Variants in FOSL2 observed in about 807,000 individuals in gnomAD.
The protein encoded by FOSL2 is fos-related antigen 2.
In FOSL2, 3 loss-of-function variants were observed where a neutral mutation model predicts 27.7. That is an observed-to-expected ratio of 0.11 (90% confidence interval 0.05 to 0.28). The LOEUF (loss-of-function observed/expected upper bound fraction) is 0.28, where lower values mean the gene tolerates loss of function less well. FOSL2 is among the 10% of genes least tolerant of loss of function. The probability of loss-of-function intolerance (pLI) is 1.00; values close to 1 mark genes in which losing one functional copy is unlikely to be tolerated. For synonymous variants in FOSL2, 179 were observed against 190.1 expected (o/e 0.94, Z 0.48); for missense variants, 333 against 445.1 (o/e 0.75, Z 2.27).
At chr2:28,406,150 C>T (rs1034787416) in intron 2 of FOSL2, among the ~76,000 whole-genome samples, 11 of 151,856 alleles carry the variant, frequency 7.2e-5, no homozygotes, top group Admixed American at 5.9e-4. Flanking sequence ...CCTCCACCTC[C>T]GCGGTTCAAG....
In FOSL2 at chr2:28,412,125, G is replaced by A. The variant is rs749206799; in HGVS notation, c.658G>A (p.Val220Met). 6 of 1,605,822 alleles carry A rather than the reference G, an allele frequency of 3.7e-6. No individual in the cohort carries two copies. Among genetic ancestry groups the A allele is most frequent in the Admixed American group, 1.7e-5 (1 of 59,718 alleles). Reference sequence around the variant, plus strand: ...TGGGGGTGGCTCGGTGGGCGCTGTAGTGGTGAAACAGGAGCCCCTGGAAGA... The same window carrying A: ...TGGGGGTGGCTCGGTGGGCGCTGTAATGGTGAAACAGGAGCCCCTGGAAGA... ...RSGGGSVGAV[V>M]VKQEPLEEDS... Residue 220 changes from valine (V) to methionine (M), a missense_variant, in exon 4 of 4, where the codon GTG becomes ATG. This residue lies in a region of FOSL2 where 136 missense variants were observed against 123.7 expected (regional missense o/e 1.10). Coordinates refer to ENST00000264716, the MANE Select transcript of FOSL2 (RefSeq NM_005253.4). This position sits in a 1 kb window ranked among gnomAD's most constrained non-coding sequence, Gnocchi z 7.1.
chr2:28,411,897 G>A (rs779738401), intron 3 of FOSL2, 33 bp from the exon 4 acceptor site: 6 of 1,613,664 alleles, frequency 3.7e-6, no homozygotes, highest in South Asian at 3.3e-5. Context: ...CTGGCAGGTT[G>A]CTGTCCCTCA....
intron 1 of FOSL2, among the ~76,000 whole-genome samples, chr2:28,403,706 G>T (rs1664018921): frequency 6.6e-6 from 1 of 152,172 alleles, no homozygotes; most frequent in Admixed American, 6.5e-5. Context: ...GAAACAGTTG[G>T]CAGGCGACTC....
chr2:28,392,902 A>G lies in FOSL2; in HGVS notation c.-819A>G. 3 of 713,802 alleles carry G rather than the reference A, an allele frequency of 4.2e-6. No homozygotes were observed. Among genetic ancestry groups the G allele is most frequent in the Non-Finnish European group, 7.8e-6 (3 of 382,794 alleles). 44.2% of individuals were successfully genotyped at this position (713,802 alleles called of 1,614,324 possible). On this transcript the variant is annotated 5_prime_UTR_variant, in exon 1 of 4. Coordinates refer to ENST00000264716, the MANE Select transcript of FOSL2 (RefSeq NM_005253.4). ...AGAGCGCTAGGGCTCCGAGCGAACCAGCGAGCGAGCGAACGAGCGGCGCTC... is the reference window on the plus strand; with the variant it reads ...AGAGCGCTAGGGCTCCGAGCGAACCGGCGAGCGAGCGAACGAGCGGCGCTC...
In FOSL2 at chr2:28,412,492, C is replaced by A. The variant is rs750212971; in HGVS notation, c.*44C>A. On this transcript the variant is annotated 3_prime_UTR_variant, in exon 4 of 4. Transcript: ENST00000264716. This position sits in a 1 kb window ranked among gnomAD's most constrained non-coding sequence, Gnocchi z 7.1. The stretch of plus-strand genomic sequence containing the variant: ...CCAGCTCCGGAGGGGGTCCTCCTCG[C>A]TCCTCCTTCCCAGGGACCAGCACCT... The A allele has an allele frequency of 6.4e-7, 1 of 1,571,810 alleles. No homozygotes were observed. The highest frequency in any genetic ancestry group is 8.6e-7 in the Non-Finnish European group (1 of 1,162,864).
Position 28,404,372 on chromosome 2 carries a change from C to A in FOSL2, c.354+14C>A. 1 of 1,607,632 alleles carries A rather than the reference C, an allele frequency of 6.2e-7. No homozygotes were observed. Among genetic ancestry groups the A allele is most frequent in the Non-Finnish European group, 8.5e-7 (1 of 1,175,634 alleles). On this transcript the variant is annotated intron_variant, in intron 2 of 3. Coordinates refer to ENST00000264716, the MANE Select transcript of FOSL2 (RefSeq NM_005253.4). This position sits in a 1 kb window ranked among gnomAD's most constrained non-coding sequence, Gnocchi z 4.7. ...AGAGATGAGCAGGTACAGCTCAGAC[C>A]AGTGGGAAGGAGCCACGTCAGTGGC...
At position 28,393,597 on chromosome 2, in the gene FOSL2, G is replaced by A. The variant is rs1224905289; in HGVS notation, c.-124G>A. 5.9e-6 allele frequency: 4 copies of A among 675,268 alleles called. No homozygotes were observed. The highest frequency in any genetic ancestry group is 1.0e-5 in the Non-Finnish European group (4 of 398,468). The allele number at this position is 675,268 out of a possible 1,614,324, so 41.8% of individuals were successfully genotyped here. A position where few individuals can be genotyped will look rare whatever the true frequency, so the allele number is the denominator to read the frequency against. On this transcript the variant is annotated 5_prime_UTR_variant, in exon 1 of 4. Transcript: ENST00000264716. The surrounding 1 kb of genome is among the most constrained non-coding windows in gnomAD (Gnocchi z 4.6). The stretch of plus-strand genomic sequence containing the variant: ...CCTCCGCGGTGGGGGAGAAACCCAG[G>A]AGCGAAGCCCAGAGCCCGCGGCGCG...
At chr2:28,411,850 A>G (rs530437785) in intron 3 of FOSL2, 80 bp from the exon 4 acceptor site, 1 of 1,491,980 alleles carries the variant, frequency 6.7e-7, no homozygotes, top group African/African-American at 1.4e-5. Flanking sequence ...GTGTCTGAGA[A>G]CATTACTGGT....
chr2:28,410,146 G>A (rs78823708), intron 3 of FOSL2, among the ~76,000 whole-genome samples: 7,914 of 152,260 alleles, frequency 0.052, 687 homozygotes, highest in African/African-American at 0.18. Context: ...ATTGAATTGC[G>A]TGAATTCTGT....
At position 28,404,046 on chromosome 2, in the gene FOSL2, TTAAC is replaced by T. The variant is rs1211685365; in HGVS notation, c.103-58_103-55del. ...TTGCCTCAGCTCTGTTCAATTATTA[TTAAC>T]TATCCTGTTCAGCTTAGTATTTATT... On this transcript the variant is annotated intron_variant, in intron 1 of 3. Coordinates refer to ENST00000264716, the MANE Select transcript of FOSL2 (RefSeq NM_005253.4). The surrounding 1 kb of genome is among the most constrained non-coding windows in gnomAD (Gnocchi z 4.7). 3 of 1,580,102 alleles carry T rather than the reference TTAAC, an allele frequency of 1.9e-6. No individual in the cohort carries two copies. The highest frequency in any genetic ancestry group is 1.7e-6 in the Non-Finnish European group (2 of 1,155,162).
chr2:28,407,784 C>G (rs1271147102), intron 2 of FOSL2, among the ~76,000 whole-genome samples: 1 of 152,242 alleles, frequency 6.6e-6, no homozygotes. Context: ...CCTTGTGTCA[C>G]CTCTGCCTGA....
chr2:28,399,302 G>A (rs1395256298), intron 1 of FOSL2, among the ~76,000 whole-genome samples: 1 of 152,120 alleles, frequency 6.6e-6, no homozygotes, highest in African/African-American at 2.4e-5. Flanking sequence ...GGCCCCATCC[G>A]GTCCTGTAGG....
At chr2:28,395,860 G>A (rs1328088321) in intron 1 of FOSL2, 1 of 152,142 alleles carries the variant, frequency 6.6e-6, no homozygotes, top group Non-Finnish European at 1.5e-5. Context: ...GGAACTGGTG[G>A]ATTTTTCTGT....
Position 28,403,371 on chromosome 2 carries a change from A to G in FOSL2, c.103-736A>G, listed in dbSNP as rs572076402. 2.0e-5 allele frequency among the ~76,000 whole-genome samples: 3 copies of G among 152,360 alleles called. No homozygotes were observed. In the East Asian group the frequency reaches 5.8e-4, roughly 29 times the overall value. On this transcript the variant is annotated intron_variant, in intron 1 of 3. Coordinates refer to ENST00000264716, the MANE Select transcript of FOSL2 (RefSeq NM_005253.4). ...CAGCACCAGAGTTTCCCACAGAAAC[A>G]TCTGTGAACATAGATCAATGCCTAT...
At chr2:28,407,880 G>T (rs1276045915) in intron 2 of FOSL2, among the ~76,000 whole-genome samples, 1 of 152,188 alleles carries the variant, frequency 6.6e-6, no homozygotes, top group African/African-American at 2.4e-5. Flanking sequence ...ATGCTTTCCG[G>T]TATGAGTGAC....
At chr2:28,399,116 C>T (rs1663919027) in intron 1 of FOSL2, among the ~76,000 whole-genome samples, 1 of 152,214 alleles carries the variant, frequency 6.6e-6, no homozygotes, top group South Asian at 2.1e-4. Flanking sequence ...ACCTGCTTGC[C>T]TGGCAAGGCA....
rs1663739402 is a variant in FOSL2, at chr2:28,393,830, C to CG, written c.102+11dup. ...GGCGGCGGCGGCCAGCAGGTAGGTG[C>CG]GGGCCCCGGTGCACCTGGCGGCGCG... On this transcript the variant is annotated intron_variant, in intron 1 of 3. Coordinates refer to ENST00000264716, the MANE Select transcript of FOSL2 (RefSeq NM_005253.4). This position sits in a 1 kb window ranked among gnomAD's most constrained non-coding sequence, Gnocchi z 4.6. 1 of 1,582,096 alleles carries CG rather than the reference C, an allele frequency of 6.3e-7. No homozygotes were observed. Among genetic ancestry groups the CG allele is most frequent in the East Asian group, 2.3e-5 (1 of 42,738 alleles).
At position 28,393,760 on chromosome 2, in the gene FOSL2, C is replaced by T; in HGVS notation, c.40C>T (p.Arg14Trp). Reference protein sequence around the residue: ...DYPGNFDTSSRGSSGSPAHAE... With the variant: ...DYPGNFDTSSWGSSGSPAHAE... ...TCCCGGGAACTTTGACACCTCGTCCCGGGGCAGCAGCGGCTCTCCTGCGCA... is the reference window on the plus strand; with the variant it reads ...TCCCGGGAACTTTGACACCTCGTCCTGGGGCAGCAGCGGCTCTCCTGCGCA... Residue 14 changes from arginine to tryptophan, a missense_variant, in exon 1 of 4, where the codon CGG (arginine) becomes TGG (tryptophan). By Grantham distance (101) the Arg-to-Trp change is moderately radical (BLOSUM62 -3). This residue lies in a region of FOSL2 where 131 missense variants were observed against 157.9 expected (regional missense o/e 0.83). Transcript: ENST00000264716. This position sits in a 1 kb window ranked among gnomAD's most constrained non-coding sequence, Gnocchi z 4.6. 6.2e-7 allele frequency: 1 copy of T among 1,610,176 alleles called. No homozygotes were observed. The highest frequency in any genetic ancestry group is 8.5e-7 in the Non-Finnish European group (1 of 1,178,612).
intron 3 of FOSL2, among the ~76,000 whole-genome samples, chr2:28,411,456 TC>T (rs1664197093): frequency 6.6e-6 from 1 of 152,134 alleles, no homozygotes; most frequent in Non-Finnish European, 1.5e-5. Flanking sequence ...GAGGGGGCAG[TC>T]CTGGCACCAA....
Sources: gnomAD v4.1 joint callset for allele counts (sites outside exome capture counted in the v4.1 genomes callset) on GRCh38, gnomAD v4.1.1 for gene constraint, gnomAD v4.1.1 regional missense constraint, Gnocchi (gnomAD v3.1) non-coding constraint, MANE v1.5 for transcripts, NCBI Gene and HGNC (gene_info 2026-07-23, HGNC 2026-07-21) for gene names.